The following OTUD7A variants were observed in gnomAD, a reference collection of about 807,000 sequenced individuals.
OTUD7A encodes the protein OTU domain-containing protein 7A.
A neutral mutation model predicts 65.7 loss-of-function variants in OTUD7A; 12 were observed. The observed-to-expected ratio is 0.18, with a 90% CI of 0.12 to 0.30. The LOEUF (loss-of-function observed/expected upper bound fraction) is 0.30, where lower values mean the gene tolerates loss of function less well. Among genes scored for constraint, OTUD7A ranks in the 10% least tolerant of loss-of-function variants. The pLI is 1.00. For synonymous variants in OTUD7A, 641 were observed against 586.3 expected, an observed-to-expected ratio of 1.09 and a Z score of -1.35; for missense variants, 1,148 against 1,304.8, an observed-to-expected ratio of 0.88 and a Z score of 1.85.
At chr15:31,549,421 T>C (rs1048397027) in intron 5 of OTUD7A, among the ~76,000 whole-genome samples, 1 of 152,186 alleles carries the variant, frequency 6.6e-6, no homozygotes, top group Non-Finnish European at 1.5e-5. Flanking sequence ...TCCTGTGTCA[T>C]CCCTTTCCCT....
At chr15:31,821,304 T>C (rs1337264660) in intron 1 of OTUD7A, among the ~76,000 whole-genome samples, 1 of 81,094 alleles carries the variant, frequency 1.2e-5, no homozygotes, top group Non-Finnish European at 2.0e-5. Context: ...CCCAGGTACC[T>C]TTTTTTTTTT....
At chr15:31,708,123 C>T (rs543138151) in intron 1 of OTUD7A, among the ~76,000 whole-genome samples, 24 of 151,746 alleles carry the variant, frequency 1.6e-4, no homozygotes, top group African/African-American at 5.1e-4. Flanking sequence ...TGTGAAAGCA[C>T]ACACCACCTG....
chr15:31,745,355 G>A (rs1894448381), intron 1 of OTUD7A, among the ~76,000 whole-genome samples: 1 of 152,016 alleles, frequency 6.6e-6, no homozygotes, highest in South Asian at 2.1e-4. Context: ...ATAAATCAAT[G>A]GGACAAAGAT....
At chr15:31,869,837 T>A (rs1292751794) in intron 1 of OTUD7A, among the ~76,000 whole-genome samples, 1 of 152,170 alleles carries the variant, frequency 6.6e-6, no homozygotes, top group Non-Finnish European at 1.5e-5. Context: ...ATCACTGACA[T>A]CTCCCAAATT....
chr15:31,559,687 T>C (rs1328868908), intron 4 of OTUD7A, among the ~76,000 whole-genome samples: 3 of 152,184 alleles, frequency 2.0e-5, no homozygotes, highest in Middle Eastern at 3.4e-3. Flanking sequence ...CATATATACA[T>C]GCCCACGCAC....
chr15:31,506,894 T>C (rs1201637319), intron 8 of OTUD7A, among the ~76,000 whole-genome samples: 1 of 152,106 alleles, frequency 6.6e-6, no homozygotes, highest in East Asian at 1.9e-4. Flanking sequence ...AGCTACTATA[T>C]AGTTTATATT....
At position 31,484,270 on chromosome 15, in the gene OTUD7A, T is replaced by C. The variant is rs1040592475; in HGVS notation, c.1826A>G (p.Glu609Gly). Residue 609 changes from glutamate to glycine, a missense_variant, in exon 13 of 13, where the codon GAG (glutamate) becomes GGG (glycine). Coordinates refer to ENST00000307050, the MANE Select transcript of OTUD7A (RefSeq NM_001382637.1). The surrounding 1 kb of genome is among the most constrained non-coding windows in gnomAD (Gnocchi z 4.5). ...TDKAAGASPA[E>G]KGGGPRGDAW... ...GTCGCCCCGCGGCCCACCGCCCTTCTCCGCCGGCGACGCGCCCGCTGCCTT... is the reference window on the plus strand; with the variant it reads ...GTCGCCCCGCGGCCCACCGCCCTTCCCCGCCGGCGACGCGCCCGCTGCCTT... The C allele has an allele frequency of 6.3e-7, 1 of 1,593,864 alleles. No homozygotes were observed. The highest frequency in any genetic ancestry group is 8.5e-7 in the Non-Finnish European group (1 of 1,173,842).
At chr15:31,534,936 TAAGTGG>T (rs1215749457) in intron 5 of OTUD7A, among the ~76,000 whole-genome samples, 2 of 152,156 alleles carry the variant, frequency 1.3e-5, no homozygotes, top group Non-Finnish European at 2.9e-5. Flanking sequence ...AATCCACATA[TAAGTGG>T]AAGTGGACCT....
At position 31,588,718 on chromosome 15, in the gene OTUD7A, T is replaced by A. The variant is rs192805028; in HGVS notation, c.152-18521A>T. Among the ~76,000 whole-genome samples, 13 of 152,252 alleles carry A rather than the reference T, an allele frequency of 8.5e-5. No individual in the cohort carries two copies. In the East Asian group the frequency reaches 2.5e-3, roughly 29 times the overall value. ...CTGATGGTTCCGCTCCACACACTCA[T>A]CCAGGGATCCAGGTACCATCTTCCA... On this transcript the variant is annotated intron_variant, in intron 3 of 12. Transcript: ENST00000307050.
chr15:31,854,121 T>G (rs970534437), intron 1 of OTUD7A, among the ~76,000 whole-genome samples: 17 of 152,236 alleles, frequency 1.1e-4, no homozygotes, highest in African/African-American at 4.1e-4. Context: ...ATCTAGCTGT[T>G]GGCAGGGCTG....
intron 1 of OTUD7A, among the ~76,000 whole-genome samples, chr15:31,851,272 A>T (rs985274427): frequency 6.6e-6 from 1 of 152,202 alleles, no homozygotes; most frequent in Non-Finnish European, 1.5e-5. Context: ...TACCAAAGAG[A>T]GCTGGAAGAA....
At chr15:31,573,215 C>A (rs1478179366) in intron 3 of OTUD7A, among the ~76,000 whole-genome samples, 1 of 152,168 alleles carries the variant, frequency 6.6e-6, no homozygotes, top group East Asian at 1.9e-4. Context: ...CTACAAGATA[C>A]TGAAGGAAAG....
In OTUD7A at chr15:31,511,100, ATATCTATATGTAACATACATATG is replaced by A. The variant is rs2041717631; in HGVS notation, c.894-7305_894-7283del. Among the ~76,000 whole-genome samples, 2 of 43,740 alleles carry A rather than the reference ATATCTATATGTAACATACATATG, an allele frequency of 4.6e-5. 1 individual carries two copies. The highest frequency in any genetic ancestry group is 7.7e-5 in the Non-Finnish European group (2 of 26,014). The allele number at this position is 43,740 out of a possible 152,430, so 28.7% of individuals were successfully genotyped here. On this transcript the variant is annotated intron_variant, in intron 8 of 12. Coordinates refer to ENST00000307050, the MANE Select transcript of OTUD7A (RefSeq NM_001382637.1). ...ATATCTATATGTAACATACATATGT[ATATCTATATGTAACATACATATG>A]TATATCTATATGTAACATACATATG...
chr15:31,837,244 C>T (rs1897075513), intron 1 of OTUD7A, among the ~76,000 whole-genome samples: 1 of 151,912 alleles, frequency 6.6e-6, no homozygotes, highest in African/African-American at 2.4e-5. Context: ...AAATAAAATG[C>T]TGGGCCAGGT....
chr15:31,808,136 C>CACAAAAAAA (rs772574742), intron 1 of OTUD7A, among the ~76,000 whole-genome samples: 10 of 119,514 alleles, frequency 8.4e-5, no homozygotes, highest in African/African-American at 2.2e-4. Flanking sequence ...CACACACACA[C>CACAAAAAAA]AAACAAATCC....
At position 31,861,277 on chromosome 15, in the gene OTUD7A, T is replaced by C. The variant is rs78954236; in HGVS notation, c.-100+9230A>G. 1.4e-3 allele frequency among the ~76,000 whole-genome samples: 212 copies of C among 152,232 alleles called. 1 individual carries two copies. The highest frequency in any genetic ancestry group is 4.9e-3 in the African/African-American group (205 of 41,538). On this transcript the variant is annotated intron_variant, in intron 1 of 12. Coordinates refer to ENST00000307050, the MANE Select transcript of OTUD7A (RefSeq NM_001382637.1). ...GGCCTCCTCTAGGCTGGGGGCACTT[T>C]CTTTCCCCAGCCTGGACCAGGTTCT...
At chr15:31,623,432 C>T (rs968849541) in intron 3 of OTUD7A, among the ~76,000 whole-genome samples, 24 of 152,186 alleles carry the variant, frequency 1.6e-4, no homozygotes, top group African/African-American at 5.5e-4. Context: ...GCTTCCTGGC[C>T]GCTTTGTTTA....
chr15:31,658,321 C>A (rs920513864), intron 1 of OTUD7A, among the ~76,000 whole-genome samples: 2 of 152,146 alleles, frequency 1.3e-5, no homozygotes, highest in Admixed American at 1.3e-4. Context: ...CTCCACTGAG[C>A]AAGAAAACTG....
At chr15:31,530,274 G>A (rs1030803825) in intron 6 of OTUD7A, among the ~76,000 whole-genome samples, 1 of 152,034 alleles carries the variant, frequency 6.6e-6, no homozygotes. Flanking sequence ...GCTTTACCTC[G>A]TTCACCCCTA....
Sources: allele counts gnomAD v4.1 joint callset (sites outside exome capture counted in the v4.1 genomes callset), GRCh38; gene constraint gnomAD v4.1.1; non-coding constraint Gnocchi (gnomAD v3.1); transcripts MANE v1.5; gene names NCBI Gene and HGNC (gene_info 2026-07-23, HGNC 2026-07-21).